ARID2: variants seen among roughly 807,000 people sequenced by gnomAD.
ARID2 encodes the protein AT-rich interaction domain 2, also known as AT-rich interactive domain-containing protein 2.
In ARID2, 32 loss-of-function variants were observed where a neutral mutation model predicts 184.6. That is an observed-to-expected ratio of 0.17 (90% CI 0.13 to 0.23). ARID2 has a LOEUF of 0.23. Ranked by LOEUF, ARID2 falls within the 10% of genes least tolerant of loss-of-function variation. The pLI is 1.00. For synonymous variants in ARID2, 836 were observed against 772.6 expected (o/e 1.08, Z -1.36); for missense variants, 1,696 against 2,197.6 (o/e 0.77, Z 4.56).
At chr12:45,803,736 A>C (rs1323545838) in intron 3 of ARID2, among the ~76,000 whole-genome samples, 8 of 152,072 alleles carry the variant, frequency 5.3e-5, no homozygotes, top group African/African-American at 1.9e-4. Context: ...CTGCCACTTT[A>C]TTGTTTAGTT....
chr12:45,734,681 A>G (rs1941074599), intron 3 of ARID2, among the ~76,000 whole-genome samples: 3 of 152,136 alleles, frequency 2.0e-5, no homozygotes, highest in Admixed American at 1.3e-4. Flanking sequence ...GGTTAAATTT[A>G]TGCCCAAGTA....
chr12:45,879,847 AC>A (rs1944071778), intron 16 of ARID2, among the ~76,000 whole-genome samples: 1 of 151,976 alleles, frequency 6.6e-6, no homozygotes, highest in African/African-American at 2.4e-5. Context: ...CATTTTTGAG[AC>A]TCCCTCAAAA....
chr12:45,742,761 T>C (rs1461263269), intron 3 of ARID2, among the ~76,000 whole-genome samples: 1 of 152,218 alleles, frequency 6.6e-6, no homozygotes, highest in Non-Finnish European at 1.5e-5. Context: ...TCTTAGTAAC[T>C]TTATGCAAAC....
chr12:45,867,978 T>C (rs984320255), intron 16 of ARID2, among the ~76,000 whole-genome samples: 2 of 152,224 alleles, frequency 1.3e-5, no homozygotes, highest in African/African-American at 4.8e-5. Flanking sequence ...AAAAATCTTT[T>C]GTATTCTGCC....
chr12:45,748,207 G>A (rs1941394853), intron 3 of ARID2, among the ~76,000 whole-genome samples: 1 of 152,080 alleles, frequency 6.6e-6, no homozygotes, highest in Non-Finnish European at 1.5e-5. Context: ...TTGAGACGTA[G>A]TGAGACCCTG....
intron 11 of ARID2, chr12:45,841,813 C>G (rs554121386): frequency 2.0e-5 from 3 of 152,130 alleles, no homozygotes; most frequent in Non-Finnish European, 4.4e-5. Context: ...AACTTGTATT[C>G]CAGTATCCTC....
chr12:45,860,535 C>A (rs1943724990), intron 15 of ARID2, among the ~76,000 whole-genome samples: 1 of 151,566 alleles, frequency 6.6e-6, no homozygotes, highest in African/African-American at 2.4e-5. Context: ...TCCTAAAAAT[C>A]TTTATTTTAA....
chr12:45,745,361 A>G (rs1052283634), intron 3 of ARID2, among the ~76,000 whole-genome samples: 1 of 152,170 alleles, frequency 6.6e-6, no homozygotes, highest in African/African-American at 2.4e-5. Flanking sequence ...AAATAAGGAT[A>G]CTTTTCCAGG....
At chr12:45,868,395 T>G (rs1402900907) in intron 16 of ARID2, among the ~76,000 whole-genome samples, 1 of 152,148 alleles carries the variant, frequency 6.6e-6, no homozygotes, top group Non-Finnish European at 1.5e-5. Flanking sequence ...AAGCCGAGAT[T>G]GTGCCACTGC....
At chr12:45,861,091 G>A in intron 16 of ARID2, 142 bp downstream of exon 16, 1 of 679,376 alleles carries the variant, frequency 1.5e-6, no homozygotes, top group East Asian at 3.2e-5. Flanking sequence ...TTATATTTAT[G>A]ATCCATTATG....
chr12:45,849,458 T>G (rs1158153751), intron 13 of ARID2, 122 bp from the exon 14 acceptor site: 1 of 642,466 alleles, frequency 1.6e-6, no homozygotes, highest in African/African-American at 1.9e-5. Flanking sequence ...AGAATATAAC[T>G]GTGAGTCATA....
intron 2 of ARID2, among the ~76,000 whole-genome samples, chr12:45,730,484 C>G (rs1260480003): frequency 1.3e-5 from 2 of 151,124 alleles, no homozygotes; most frequent in Non-Finnish European, 3.0e-5. Flanking sequence ...CCGCGCCGCC[C>G]GCCCGCTCGC....
At chr12:45,828,464 TG>T (rs1444069444) in intron 6 of ARID2, among the ~76,000 whole-genome samples, 1 of 152,092 alleles carries the variant, frequency 6.6e-6, no homozygotes, top group Non-Finnish European at 1.5e-5. Flanking sequence ...CATGCATTTT[TG>T]TTGGGTAATT....
rs191030088 is a variant in ARID2 at position 45,796,239 on chromosome 12, C to A, written c.285-15179C>A. 2.6e-4 allele frequency among the ~76,000 whole-genome samples: 39 copies of A among 151,956 alleles called. 1 individual carries two copies. The highest frequency in any genetic ancestry group is 1.5e-3 in the South Asian group (7 of 4,814). ...TTACAAATATTTAAATAGAATCATA[C>A]TGTATGATTTTTTTCTAATTTTTAC... On this transcript the variant is annotated intron_variant, in intron 3 of 20. Transcript: ENST00000334344.
chr12:45,747,375 C>T (rs967823546), intron 3 of ARID2, among the ~76,000 whole-genome samples: 2 of 152,000 alleles, frequency 1.3e-5, no homozygotes, highest in Admixed American at 6.6e-5. Context: ...AGGGAAAAAG[C>T]CTGTAAGTAC....
chr12:45,786,054 T>A (rs1385838304), intron 3 of ARID2, among the ~76,000 whole-genome samples: 2 of 152,220 alleles, frequency 1.3e-5, no homozygotes, highest in Non-Finnish European at 2.9e-5. Context: ...CAATATTGAA[T>A]AGCTCTGTGA....
At chr12:45,786,151 A>G (rs1942193310) in intron 3 of ARID2, among the ~76,000 whole-genome samples, 1 of 152,210 alleles carries the variant, frequency 6.6e-6, no homozygotes, top group Non-Finnish European at 1.5e-5. Context: ...TTAACTGTAC[A>G]CATTTTTTAT....
intron 6 of ARID2, among the ~76,000 whole-genome samples, chr12:45,823,824 G>A (rs550476836): frequency 5.3e-5 from 8 of 152,080 alleles, no homozygotes; most frequent in Admixed American, 2.6e-4. Context: ...GCCCAGGACC[G>A]GATGGCTTAT....
intron 6 of ARID2, among the ~76,000 whole-genome samples, chr12:45,833,997 C>A (rs1943168524): frequency 6.6e-6 from 1 of 152,174 alleles, no homozygotes; most frequent in Non-Finnish European, 1.5e-5. Flanking sequence ...TTCAGCTTAG[C>A]AATCACTATG....
Sources: allele counts gnomAD v4.1 joint callset (sites outside exome capture counted in the v4.1 genomes callset), GRCh38; gene constraint gnomAD v4.1.1; transcripts MANE v1.5; gene names NCBI Gene and HGNC (gene_info 2026-07-23, HGNC 2026-07-21).